TDRD9: variants seen among roughly 807,000 people sequenced by gnomAD.
The protein encoded by TDRD9 is ATP-dependent RNA helicase TDRD9.
Under a neutral mutation model 172.6 loss-of-function variants are expected in TDRD9, and 124 were observed. The observed-to-expected ratio is 0.72, with a 90% confidence interval of 0.62 to 0.83. The LOEUF (loss-of-function observed/expected upper bound fraction) is 0.83, where lower values mean the gene tolerates loss of function less well. Among genes scored for constraint, TDRD9 ranks in the 40% least tolerant of loss-of-function variants. TDRD9 has a pLI of 0.00. For synonymous variants in TDRD9, 619 were observed against 617.1 expected (o/e 1.00, Z -0.05); for missense variants, 1,479 against 1,714.1 (o/e 0.86, Z 2.42).
At chr14:104,006,365 T>G in intron 15 of TDRD9, 24 bp from the exon 16 acceptor site, 1 of 1,605,082 alleles carries the variant, frequency 6.2e-7, no homozygotes, top group Non-Finnish European at 8.5e-7. Context: ...TGCTTGATAA[T>G]AACACTAATT....
chr14:103,930,069 C>T (rs142496466), intron 1 of TDRD9, among the ~76,000 whole-genome samples: 66 of 152,292 alleles, frequency 4.3e-4, no homozygotes, highest in African/African-American at 1.4e-3. Flanking sequence ...TCCCTCTTCT[C>T]GCTCTTTAAA....
intron 6 of TDRD9, 55 bp downstream of exon 6, chr14:103,970,676 G>A (rs2032982817): frequency 7.2e-7 from 1 of 1,396,022 alleles, no homozygotes; most frequent in Non-Finnish European, 9.9e-7. Context: ...TCATTGTTTA[G>A]TTTTGTTTCT....
chr14:104,027,071 G>A (rs1023572107), intron 28 of TDRD9, 132 bp downstream of exon 28: 97 of 947,736 alleles, frequency 1.0e-4, no homozygotes, highest in Non-Finnish European at 1.4e-4. Flanking sequence ...TGCTGTACTT[G>A]TGTTAAGACT....
intron 7 of TDRD9, among the ~76,000 whole-genome samples, chr14:103,979,983 C>G (rs2033408801): frequency 6.6e-6 from 1 of 151,314 alleles, no homozygotes; most frequent in Admixed American, 6.6e-5. Context: ...TCAAGAGATT[C>G]TCCCATCTCA....
At chr14:103,966,539 C>G (rs1166789890) in intron 4 of TDRD9, among the ~76,000 whole-genome samples, 170 bp from the exon 5 acceptor site, 3 of 151,712 alleles carry the variant, frequency 2.0e-5, no homozygotes, top group Admixed American at 6.6e-5. Context: ...GCCCTCCCCC[C>G]AAAAAAGAAG....
At position 103,965,551 on chromosome 14, in the gene TDRD9, C is replaced by T. The variant is rs774231117; in HGVS notation, c.639C>T (p.Tyr213=). 6.5e-7 allele frequency: 1 copy of T among 1,543,998 alleles called. No homozygotes were observed. Among genetic ancestry groups the T allele is most frequent in the South Asian group, 1.2e-5 (1 of 83,574 alleles). ...RAWTLGGVVG[Y]QVGLEKIATE... is the part of the protein sequence containing the mutation. ...GGACCCTGGGAGGTGTGGTGGGCTACCAGGTGAGACTGGGAGGGAGGGAGG... is the reference window on the plus strand; with the variant it reads ...GGACCCTGGGAGGTGTGGTGGGCTATCAGGTGAGACTGGGAGGGAGGGAGG... The change falls in exon 4 of 36, where the codon TAC becomes TAT. Residue 213 remains tyrosine (Y), a synonymous_variant. Transcript: ENST00000409874.
At chr14:103,955,912 C>CATG in intron 2 of TDRD9, 142 bp downstream of exon 2, 1 of 616,524 alleles carries the variant, frequency 1.6e-6, no homozygotes. Flanking sequence ...GAATTTAACA[C>CATG]TAGCCTGGGC....
At chr14:103,972,175 C>T (rs112304824) in intron 6 of TDRD9, among the ~76,000 whole-genome samples, 3,570 of 150,878 alleles carry the variant, frequency 0.024, 72 homozygotes, top group East Asian at 0.048. Flanking sequence ...GGCGTGGTGG[C>T]GGGCGCCTGT....
At chr14:104,010,711 G>A (rs992574118) in intron 20 of TDRD9, among the ~76,000 whole-genome samples, 2 of 151,956 alleles carry the variant, frequency 1.3e-5, no homozygotes, top group African/African-American at 4.8e-5. Context: ...ATCAAGTACA[G>A]TCATCCCTTG....
intron 2 of TDRD9, among the ~76,000 whole-genome samples, chr14:103,956,759 C>T (rs1284773200): frequency 6.6e-6 from 1 of 152,120 alleles, no homozygotes; most frequent in Non-Finnish European, 1.5e-5. Context: ...ATTCCCAGTT[C>T]CCAAGAGTAC....
rs748404724 is a variant in TDRD9 at position 103,975,542 on chromosome 14, C to A, written c.1000C>A (p.His334Asn). The change falls in exon 7 of 36, where the codon CAT (histidine) becomes AAT (asparagine). Residue 334 changes from histidine (H) to asparagine (N), a missense_variant. His to Asn is a moderately conservative substitution (Grantham distance 68, BLOSUM62 1). This residue lies in a region of TDRD9 where 1,413 missense variants were observed against 1,649.1 expected (regional missense o/e 0.86). Transcript: ENST00000409874. ...EYYLNDLEHI[H>N]HSKLSPHLLE... The stretch of plus-strand genomic sequence containing the variant: ...TTATCTTAATGATTTGGAGCACATT[C>A]ATCATAGCAAGGTATGTTAGAATGT... The A allele has an allele frequency of 6.2e-7, 1 of 1,606,438 alleles. No homozygotes were observed. Among genetic ancestry groups the A allele is most frequent in the Non-Finnish European group, 8.5e-7 (1 of 1,175,916 alleles).
At chr14:103,943,856 C>T (rs1256048313) in intron 1 of TDRD9, among the ~76,000 whole-genome samples, 3 of 152,114 alleles carry the variant, frequency 2.0e-5, no homozygotes, top group East Asian at 1.9e-4. Context: ...CCCAGAGTGA[C>T]GTGTGTGGCC....
intron 7 of TDRD9, among the ~76,000 whole-genome samples, chr14:103,976,390 C>CAG (rs1251897517): frequency 2.6e-5 from 4 of 152,168 alleles, no homozygotes; most frequent in African/African-American, 9.6e-5. Context: ...TCTCCTGCCT[C>CAG]AGCCTCCCAA....
At position 104,034,045 on chromosome 14, in the gene TDRD9, G is replaced by A; in HGVS notation, c.3595G>A (p.Ala1199Thr). The change falls in exon 31 of 36, where the codon GCT (alanine) becomes ACT (threonine). Residue 1199 changes from alanine (A) to threonine (T), a missense_variant. Transcript: ENST00000409874. ...EDLHQRMLVA[A>T]SLSINATGST... ...CCTTCACCAGAGAATGCTGGTTGCA[G>A]CTTCCCTTTCCATCAATGCGACTGG... The A allele has an allele frequency of 6.4e-7, 1 of 1,550,752 alleles. No homozygotes were observed. The highest frequency in any genetic ancestry group is 8.7e-7 in the Non-Finnish European group (1 of 1,146,076).
At chr14:103,956,815 T>C (rs1309545327) in intron 2 of TDRD9, among the ~76,000 whole-genome samples, 1 of 152,132 alleles carries the variant, frequency 6.6e-6, no homozygotes, top group Non-Finnish European at 1.5e-5. Flanking sequence ...AGTATGGAGT[T>C]TTTTTCTGAG....
At chr14:103,994,681 C>A in intron 11 of TDRD9, 78 bp downstream of exon 11, 1 of 1,238,726 alleles carries the variant, frequency 8.1e-7, no homozygotes. Flanking sequence ...AAAATATTTT[C>A]TGGGTGTCGT....
At chr14:104,048,377 T>A (rs1838586403) in intron 34 of TDRD9, among the ~76,000 whole-genome samples, 1 of 152,218 alleles carries the variant, frequency 6.6e-6, no homozygotes, top group South Asian at 2.1e-4. Flanking sequence ...TAGGTAGGGC[T>A]ACAGGCATAT....
Position 103,952,843 on chromosome 14 carries a change from A to G in TDRD9, c.216-2821A>G, listed in dbSNP as rs187098418. The stretch of plus-strand genomic sequence containing the variant: ...AACCTCTGCCTCTAGGTTTCAGGCA[A>G]ATTCTCCTGCCTCAGTCTCCCGAGT... On this transcript the variant is annotated intron_variant, in intron 1 of 35. Transcript: ENST00000409874. Among the ~76,000 whole-genome samples the G allele has an allele frequency of 3.0e-3, 442 of 148,534 alleles. 3 individuals are homozygous for G. The highest frequency in any genetic ancestry group is 4.6e-3 in the Non-Finnish European group (311 of 67,472).
chr14:103,933,806 C>T (rs893638554), intron 1 of TDRD9, among the ~76,000 whole-genome samples: 7 of 152,194 alleles, frequency 4.6e-5, no homozygotes, highest in East Asian at 1.9e-4. Context: ...TGAGCCGTCT[C>T]GGCCCTTCTG....
Sources: allele counts gnomAD v4.1 joint callset (sites outside exome capture counted in the v4.1 genomes callset), GRCh38; gene constraint gnomAD v4.1.1; regional missense constraint gnomAD v4.1.1; transcripts MANE v1.5; gene names NCBI Gene and HGNC (gene_info 2026-07-23, HGNC 2026-07-21).